The following SYTL2 variants were observed in gnomAD, a reference collection of about 807,000 sequenced individuals.
SYTL2 encodes synaptotagmin like 2.
Under a neutral mutation model 198.7 loss-of-function variants are expected in SYTL2, and 165 were observed. That is an observed-to-expected ratio of 0.83 (90% CI 0.73 to 0.94). The LOEUF (loss-of-function observed/expected upper bound fraction) is 0.94, where lower values mean the gene tolerates loss of function less well. Ranked by LOEUF, SYTL2 falls within the 40% of genes least tolerant of loss-of-function variation. The probability of loss-of-function intolerance (pLI) is 0.00; values close to 1 mark genes in which losing one functional copy is unlikely to be tolerated. For missense variants in SYTL2, 2,835 were observed against 2,582.8 expected, an observed-to-expected ratio of 1.10 and a Z score of -2.12; for synonymous variants, 966 against 917.7, an observed-to-expected ratio of 1.05 and a Z score of -0.95.
intron 18 of SYTL2, among the ~76,000 whole-genome samples, chr11:85,696,843 A>C (rs965915739): frequency 6.6e-6 from 1 of 152,252 alleles, no homozygotes; most frequent in African/African-American, 2.4e-5. Context: ...ATTAGCTGTG[A>C]TAGCCTAAGA....
At chr11:85,832,399 ATT>A in the SYTL2 span, among the ~76,000 whole-genome samples, 3 of 152,186 alleles carry the variant, frequency 2.0e-5, no homozygotes, top group African/African-American at 7.2e-5. Flanking sequence ...CTATTAATTC[ATT>A]TTTGTATTCA....
chr11:85,850,683 C>T, the SYTL2 span, among the ~76,000 whole-genome samples: 4 of 150,998 alleles, frequency 2.6e-5, no homozygotes, highest in Non-Finnish European at 5.9e-5. Flanking sequence ...TGGGTATATA[C>T]CCAAATGACT....
chr11:85,773,974 C>T (rs1310121466), intron 1 of SYTL2, among the ~76,000 whole-genome samples: 1 of 151,366 alleles, frequency 6.6e-6, no homozygotes, highest in Non-Finnish European at 1.5e-5. Context: ...TTTTCTTTTA[C>T]CAAGAGGAAG....
In SYTL2 at chr11:85,725,991, C is replaced by T. The variant is rs575107119; in HGVS notation, c.3367G>A (p.Val1123Ile). The change falls in exon 8 of 20, where the codon GTT becomes ATT. Residue 1123 changes from valine (V) to isoleucine (I), a missense_variant. Physicochemically the swap from Val to Ile is conservative, Grantham distance 29. This residue lies in a region of SYTL2 where 2,645 missense variants were observed against 2,381.7 expected (regional missense o/e 1.11). Transcript: ENST00000359152. ...EIQESIIKTN[V>I]LSKDCKDTFN... ...GTGTCTTTGCAGTCTTTAGACAAAACATTGGTTTTTATTATGGATTCTTGA... is the reference window on the plus strand; with the variant it reads ...GTGTCTTTGCAGTCTTTAGACAAAATATTGGTTTTTATTATGGATTCTTGA... 2 of 1,613,830 alleles carry T rather than the reference C, an allele frequency of 1.2e-6. No individual in the cohort carries two copies. Among genetic ancestry groups the T allele is most frequent in the Admixed American group, 1.7e-5 (1 of 59,942 alleles).
intron 4 of SYTL2, among the ~76,000 whole-genome samples, chr11:85,744,063 T>G (rs2090987617): frequency 6.6e-6 from 1 of 152,172 alleles, no homozygotes; most frequent in Admixed American, 6.5e-5. Flanking sequence ...AAGGAAGGCC[T>G]TCATTCCATT....
At position 85,696,356 on chromosome 11, in the gene SYTL2, C is replaced by T. The variant is rs577542328; in HGVS notation, c.6401G>A (p.Arg2134His). 7.4e-6 allele frequency: 12 copies of T among 1,613,856 alleles called. No individual in the cohort carries two copies. Among genetic ancestry groups the T allele is most frequent in the Admixed American group, 5.0e-5 (3 of 59,992 alleles). Reference sequence around the variant, plus strand: ...TTTCCCTACAGCTCTTGTCTTCTGGCGACTTTTCCTACTTGTATCTGGAAG... The same window carrying T: ...TTTCCCTACAGCTCTTGTCTTCTGGTGACTTTTCCTACTTGTATCTGGAAG... ...TILPDTSRKSRQKTRAVGKTT... is the reference protein window; with the variant it reads ...TILPDTSRKSHQKTRAVGKTT... Residue 2134 changes from arginine to histidine, a missense_variant, in exon 19 of 20, where the codon CGC becomes CAC. Arg to His is a conservative substitution (Grantham distance 29). Coordinates refer to ENST00000359152, the MANE Select transcript of SYTL2 (RefSeq NM_206927.4).
the SYTL2 span, among the ~76,000 whole-genome samples, chr11:85,839,996 A>G: frequency 6.6e-6 from 1 of 152,182 alleles, no homozygotes; most frequent in Non-Finnish European, 1.5e-5. Context: ...TGAGATGATG[A>G]TATCTCATTA....
chr11:85,768,349 T>A (rs940477840), intron 1 of SYTL2, among the ~76,000 whole-genome samples: 5 of 152,162 alleles, frequency 3.3e-5, no homozygotes, highest in Non-Finnish European at 7.4e-5. Flanking sequence ...AGCTTTGGAG[T>A]CAAAAGATAA....
At position 85,727,447 on chromosome 11, in the gene SYTL2, A is replaced by C; in HGVS notation, c.1911T>G (p.Tyr637Ter). The part of the protein sequence containing the change: ...GPGILQPFES[Y>*]GTPSQGSKNM... ...TTTTACTCCCTTGACTTGGGGTGCC[A>C]TAGCTTTCAAATGGTTGCAATATAC... is the stretch of plus-strand genomic sequence containing the variant. Residue 637 changes from tyrosine to a stop codon, truncating the protein, a stop_gained, in exon 8 of 20, where the codon TAT becomes TAG. Transcript: ENST00000359152. LOFTEE classifies it high-confidence loss of function. 6.5e-7 allele frequency: 1 copy of C among 1,536,100 alleles called. No individual in the cohort carries two copies. Among genetic ancestry groups the C allele is most frequent in the Non-Finnish European group, 8.7e-7 (1 of 1,146,894 alleles).
At chr11:85,764,933 C>T (rs905894667) in intron 1 of SYTL2, among the ~76,000 whole-genome samples, 6 of 152,176 alleles carry the variant, frequency 3.9e-5, no homozygotes, top group African/African-American at 1.4e-4. Flanking sequence ...TATGCGTACA[C>T]AGAAATGTGT....
chr11:85,760,686 G>C (rs564304145), intron 1 of SYTL2, among the ~76,000 whole-genome samples: 2 of 152,164 alleles, frequency 1.3e-5, no homozygotes, highest in African/African-American at 2.4e-5. Flanking sequence ...GAAAAACTTA[G>C]GTCGTCTAGC....
chr11:85,734,626 T>A lies in SYTL2; in HGVS notation c.703A>T (p.Ile235Phe), dbSNP rs3910283. ...TAGATCATCTTCCTGGCTTTGGGGA[T>A]TGGAGCCTTGATTTGGGACCCATTT... ...LSNGSQIKAP[I>F]PKARKMIYKS... Residue 235 changes from isoleucine to phenylalanine, a missense_variant, in exon 7 of 20, where the codon ATC (isoleucine) becomes TTC (phenylalanine). By Grantham distance (21) the Ile-to-Phe change is conservative. Coordinates refer to ENST00000359152, the MANE Select transcript of SYTL2 (RefSeq NM_206927.4). The A allele has an allele frequency of 5.6e-4, 902 of 1,614,176 alleles. 3 individuals are homozygous for A. Among genetic ancestry groups the A allele is most frequent in the South Asian group, 3.8e-3 (350 of 91,078 alleles).
chr11:85,807,930 C>T (rs1163614056), intron 1 of SYTL2, among the ~76,000 whole-genome samples: 3 of 152,046 alleles, frequency 2.0e-5, no homozygotes. Flanking sequence ...TTAGCTCTGA[C>T]AATAATTCAG....
At chr11:85,696,527 G>T in intron 18 of SYTL2, 139 bp from the exon 19 acceptor site, 1 of 715,084 alleles carries the variant, frequency 1.4e-6, no homozygotes, top group Non-Finnish European at 2.4e-6. Flanking sequence ...TGGTTTGGCA[G>T]ACAGTGGGGT....
chr11:85,808,300 T>C (rs2092987477), intron 1 of SYTL2, among the ~76,000 whole-genome samples: 2 of 152,076 alleles, frequency 1.3e-5, no homozygotes, highest in East Asian at 3.9e-4. Flanking sequence ...CTCCTGACCT[T>C]GTGATCCACC....
chr11:85,754,172 G>A (rs1479418676), intron 2 of SYTL2, among the ~76,000 whole-genome samples: 1 of 152,086 alleles, frequency 6.6e-6, no homozygotes, highest in Non-Finnish European at 1.5e-5. Flanking sequence ...GTCATGTTAG[G>A]GAAACAAAAT....
chr11:85,707,323 TCTC>T (rs1023140635), intron 15 of SYTL2, 103 bp downstream of exon 15: 3 of 732,642 alleles, frequency 4.1e-6, no homozygotes, highest in Admixed American at 4.7e-5. Context: ...TTCCCTTCCT[TCTC>T]CTCTCTTGGT....
intron 10 of SYTL2, chr11:85,717,757 C>T (rs2087589204): frequency 1.8e-6 from 1 of 568,882 alleles, no homozygotes; most frequent in Non-Finnish European, 3.3e-6. Context: ...TACGGAGCAT[C>T]CTTCCTGTAA....
intron 3 of SYTL2, 117 bp from the exon 4 acceptor site, chr11:85,745,889 A>C (rs1385337894): frequency 2.0e-6 from 2 of 1,002,314 alleles, no homozygotes; most frequent in Non-Finnish European, 2.9e-6. Flanking sequence ...TCCCAGTGCC[A>C]AGGCAATCAC....
Sources: gnomAD v4.1 joint callset for allele counts (sites outside exome capture counted in the v4.1 genomes callset) on GRCh38, gnomAD v4.1.1 for gene constraint, gnomAD v4.1.1 regional missense constraint, MANE v1.5 for transcripts, NCBI Gene and HGNC (gene_info 2026-07-23, HGNC 2026-07-21) for gene names.